Variants in ANKS1B observed in about 807,000 individuals in gnomAD.
ANKS1B encodes the protein ankyrin repeat and sterile alpha motif domain containing 1B.
Under a neutral mutation model 148.3 loss-of-function variants are expected in ANKS1B, and 36 were observed. The ratio of observed to expected loss-of-function variants is 0.24; its 90% CI spans 0.19 to 0.32. The LOEUF is 0.32. ANKS1B is among the 10% of genes least tolerant of loss of function. The pLI is 1.00. For synonymous variants in ANKS1B, 542 were observed against 560.8 expected, an observed-to-expected ratio of 0.97 and a Z score of 0.47; for missense variants, 1,157 against 1,542.6, an observed-to-expected ratio of 0.75 and a Z score of 4.19.
chr12:99,910,015 G>C (rs2093943025), intron 1 of ANKS1B, among the ~76,000 whole-genome samples: 1 of 152,030 alleles, frequency 6.6e-6, no homozygotes, highest in East Asian at 1.9e-4. Flanking sequence ...AGCATTCTAG[G>C]AAACTATGAA....
At chr12:99,092,819 T>C (rs865949784) in intron 15 of ANKS1B, among the ~76,000 whole-genome samples, 1 of 152,226 alleles carries the variant, frequency 6.6e-6, no homozygotes, top group Non-Finnish European at 1.5e-5. Flanking sequence ...TACCAGCCAT[T>C]ACATTCACTG....
At chr12:99,163,504 T>TG (rs1555318159) in intron 14 of ANKS1B, among the ~76,000 whole-genome samples, 11,700 of 123,672 alleles carry the variant, frequency 0.095, 520 homozygotes, top group Middle Eastern at 0.12. Context: ...TGTGTGTGTG[T>TG]TTAGTTCTGT....
intron 1 of ANKS1B, among the ~76,000 whole-genome samples, chr12:99,859,109 A>G (rs1017047176): frequency 3.3e-5 from 5 of 152,228 alleles, no homozygotes; most frequent in African/African-American, 1.2e-4. Flanking sequence ...GAATATACTG[A>G]TGTAAAGTTG....
chr12:98,856,680 A>AT (rs1252631723), intron 17 of ANKS1B, among the ~76,000 whole-genome samples: 3 of 152,162 alleles, frequency 2.0e-5, no homozygotes, highest in Non-Finnish European at 2.9e-5. Context: ...GTGGCATAAG[A>AT]TGAGGATATG....
chr12:99,306,225 T>A (rs1039364582), intron 12 of ANKS1B, among the ~76,000 whole-genome samples: 9 of 152,224 alleles, frequency 5.9e-5, no homozygotes, highest in Admixed American at 5.9e-4. Context: ...TATTGTTTCT[T>A]GTGTACTGCT....
chr12:99,506,066 G>A (rs1291239449), intron 9 of ANKS1B, among the ~76,000 whole-genome samples: 4 of 151,870 alleles, frequency 2.6e-5, no homozygotes, highest in African/African-American at 4.8e-5. Context: ...TCTATCATAG[G>A]GTATATTGCT....
intron 8 of ANKS1B, among the ~76,000 whole-genome samples, chr12:99,757,344 A>C (rs1249975812): frequency 6.6e-6 from 1 of 152,134 alleles, no homozygotes; most frequent in Non-Finnish European, 1.5e-5. Flanking sequence ...TATGAAAAAA[A>C]TGTGCAACAT....
rs1264645334 is a variant in ANKS1B at position 98,735,601 on chromosome 12, G to T, written c.724C>A (p.Pro242Thr). The change falls in exon 10 of 10, where the codon CCA becomes ACA. Residue 242 changes from proline (P) to threonine (T), a missense_variant. Physicochemically the swap from Pro to Thr is conservative, Grantham distance 38 (BLOSUM62 -1). Coordinates refer to the ANKS1B transcript ENST00000341752. ...GCCTCCTCAGTGTGTCTCTCTGATG[G>T]TTCCTGCCCGGTATGGCTGGCATGA... The T allele has an allele frequency of 3.9e-6, 3 of 774,630 alleles. No homozygotes were observed. The African/African-American group carries it at 5.1e-5, about 13-fold the overall frequency. The allele number at this position is 774,630 out of a possible 1,614,324, so 48.0% of individuals were successfully genotyped here. A position where few individuals can be genotyped will look rare whatever the true frequency, so the allele number is the denominator to read the frequency against.
chr12:99,563,109 T>A lies in ANKS1B; in HGVS notation c.1273-58468A>T, dbSNP rs1289756284. On this transcript the variant is annotated intron_variant, in intron 9 of 26. Transcript: ENST00000683438. Reference sequence around the variant, plus strand: ...ATTAGCTTTTGGCTTAAGAGAATATTGTGGCTGATTTGGTCTTCTAACCAG... The same window carrying A: ...ATTAGCTTTTGGCTTAAGAGAATATAGTGGCTGATTTGGTCTTCTAACCAG... Among the ~76,000 whole-genome samples, 3 of 152,230 alleles carry A rather than the reference T, an allele frequency of 2.0e-5. 1 individual carries two copies. In the East Asian group the frequency reaches 5.8e-4, roughly 29 times the overall value.
At chr12:99,495,406 C>G (rs1449827873) in intron 10 of ANKS1B, among the ~76,000 whole-genome samples, 1 of 147,712 alleles carries the variant, frequency 6.8e-6, no homozygotes, top group Non-Finnish European at 1.5e-5. Context: ...TTTCCAACTA[C>G]AACACATTTC....
intron 9 of ANKS1B, among the ~76,000 whole-genome samples, chr12:99,532,314 A>T (rs1312466653): frequency 6.6e-6 from 1 of 152,032 alleles, no homozygotes; most frequent in Non-Finnish European, 1.5e-5. Context: ...TACAATTTTT[A>T]TGGTTTCAGG....
intron 8 of ANKS1B, among the ~76,000 whole-genome samples, chr12:99,693,958 T>G (rs2053516025): frequency 6.6e-6 from 1 of 151,434 alleles, no homozygotes; most frequent in Admixed American, 6.6e-5. Flanking sequence ...TTTTTGTATT[T>G]TTAGTAGAGA....
intron 11 of ANKS1B, among the ~76,000 whole-genome samples, chr12:99,401,735 G>C (rs372922583): frequency 6.8e-6 from 1 of 146,506 alleles, no homozygotes; most frequent in South Asian, 2.1e-4. Flanking sequence ...GATGGCACAT[G>C]AGTCTTCGAA....
chr12:99,875,947 G>A (rs979199686), intron 1 of ANKS1B, among the ~76,000 whole-genome samples: 14 of 152,108 alleles, frequency 9.2e-5, no homozygotes, highest in Admixed American at 1.3e-4. Context: ...CATTATACAC[G>A]GATTTTAAGG....
intron 15 of ANKS1B, among the ~76,000 whole-genome samples, chr12:99,136,678 A>T (rs2068188533): frequency 6.6e-6 from 1 of 152,184 alleles, no homozygotes; most frequent in Non-Finnish European, 1.5e-5. Flanking sequence ...TTATATGGAG[A>T]TAACCACCAG....
At chr12:99,503,778 A>G (rs1168656093) in intron 10 of ANKS1B, among the ~76,000 whole-genome samples, 1 of 152,124 alleles carries the variant, frequency 6.6e-6, no homozygotes, top group African/African-American at 2.4e-5. Flanking sequence ...ACCAAAAAAA[A>G]AAGCCTCTCT....
chr12:99,541,422 T>C lies in ANKS1B; in HGVS notation c.1273-36781A>G, dbSNP rs1245392150. ...TAAATGCAACAACATACAAAATAATTATATATCATGACCAAGTGCCTCAGG... is the reference window on the plus strand; with the variant it reads ...TAAATGCAACAACATACAAAATAATCATATATCATGACCAAGTGCCTCAGG... On this transcript the variant is annotated intron_variant, in intron 9 of 26. Coordinates refer to ENST00000683438, the MANE Select transcript of ANKS1B (RefSeq NM_001352186.2). 2.0e-5 allele frequency among the ~76,000 whole-genome samples: 3 copies of C among 152,118 alleles called. No individual in the cohort carries two copies. In the East Asian group the frequency reaches 5.8e-4, roughly 29 times the overall value.
Position 99,068,703 on chromosome 12 carries a change from C to CAGAGAGAG in ANKS1B, c.2626-15402_2626-15395dup, listed in dbSNP as rs10554812. ...GGATGCAGGTGGGAGGGGTGGGGGG[C>CAGAGAGAG]AGAGAGAGAGAGAGAGAGAGACAGA... On this transcript the variant is annotated intron_variant, in intron 16 of 26. Transcript: ENST00000683438. Among the ~76,000 whole-genome samples the CAGAGAGAG allele has an allele frequency of 3.0e-4, 43 of 144,610 alleles. No individual in the cohort carries two copies. The South Asian group carries it at 8.9e-3, about 30-fold the overall frequency. The allele number at this position is 144,610 out of a possible 152,430, so 94.9% of individuals were successfully genotyped here.
intron 10 of ANKS1B, among the ~76,000 whole-genome samples, chr12:99,461,208 T>C (rs1380855328): frequency 3.9e-5 from 6 of 152,018 alleles, no homozygotes; most frequent in Non-Finnish European, 8.8e-5. Context: ...TTCTCACTCA[T>C]AAGTGGGAGC....
Sources: allele counts gnomAD v4.1 joint callset (sites outside exome capture counted in the v4.1 genomes callset), GRCh38; gene constraint gnomAD v4.1.1; transcripts MANE v1.5; gene names NCBI Gene and HGNC (gene_info 2026-07-23, HGNC 2026-07-21).